The following ATF6 variants were observed in gnomAD, a reference collection of about 807,000 sequenced individuals.
The protein encoded by ATF6 is activating transcription factor 6, also known as cyclic AMP-dependent transcription factor ATF-6 alpha.
In ATF6, 53 loss-of-function variants were observed where a neutral mutation model predicts 83.6. The observed-to-expected ratio is 0.63, with a 90% CI of 0.51 to 0.80. ATF6 has a LOEUF of 0.80. Ranked by LOEUF, ATF6 falls within the 30% of genes least tolerant of loss-of-function variation. The pLI, the probability that ATF6 is intolerant of heterozygous loss-of-function variation, is 0.00. For synonymous variants in ATF6, 288 were observed against 285.8 expected (o/e 1.01, Z -0.08); for missense variants, 744 against 797.9 (o/e 0.93, Z 0.81).
intron 1 of ATF6, among the ~76,000 whole-genome samples, chr1:161,769,716 C>G (rs1046083884): frequency 6.6e-6 from 1 of 151,840 alleles, no homozygotes; most frequent in Non-Finnish European, 1.5e-5. Flanking sequence ...TGATGGGAGA[C>G]AGTGATTAGA....
At chr1:161,850,339 T>G (rs1488237465) in intron 10 of ATF6, among the ~76,000 whole-genome samples, 1 of 152,128 alleles carries the variant, frequency 6.6e-6, no homozygotes, top group African/African-American at 2.4e-5. Context: ...TAAAGTTCTT[T>G]GAGCCCACCT....
chr1:161,793,501 A>G (rs770187068), intron 6 of ATF6, among the ~76,000 whole-genome samples: 1 of 152,240 alleles, frequency 6.6e-6, no homozygotes, highest in Non-Finnish European at 1.5e-5. Context: ...GCAGGATTTA[A>G]TGTATGTTCA....
chr1:161,809,912 C>A (rs1232023382), intron 7 of ATF6, among the ~76,000 whole-genome samples: 1 of 152,006 alleles, frequency 6.6e-6, no homozygotes, highest in Admixed American at 6.6e-5. Flanking sequence ...AATTTGAGTT[C>A]TTTGTAGATT....
chr1:161,785,771 C>A (rs1684731922), intron 4 of ATF6, among the ~76,000 whole-genome samples: 1 of 152,080 alleles, frequency 6.6e-6, no homozygotes, highest in Non-Finnish European at 1.5e-5. Context: ...TGCCAAATTT[C>A]TCTCTATAGG....
intron 14 of ATF6, among the ~76,000 whole-genome samples, chr1:161,894,233 T>G (rs1043571807): frequency 1.3e-5 from 2 of 150,748 alleles, no homozygotes; most frequent in Non-Finnish European, 3.0e-5. Context: ...AGGTGTTTTT[T>G]TTTTTTTTTT....
chr1:161,903,624 A>G (rs1025635719), intron 14 of ATF6, among the ~76,000 whole-genome samples: 3 of 152,188 alleles, frequency 2.0e-5, no homozygotes, highest in Admixed American at 2.0e-4. Flanking sequence ...AAAATTATTG[A>G]ACACTTATAA....
intron 15 of ATF6, among the ~76,000 whole-genome samples, chr1:161,932,206 A>T (rs927418771): frequency 6.6e-6 from 1 of 151,822 alleles, no homozygotes; most frequent in Non-Finnish European, 1.5e-5. Context: ...AATGCAAGTT[A>T]TTTTTTTTGA....
chr1:161,893,724 C>T (rs1687609410), intron 14 of ATF6, among the ~76,000 whole-genome samples: 1 of 152,180 alleles, frequency 6.6e-6, no homozygotes, highest in African/African-American at 2.4e-5. Flanking sequence ...ATTTGACAGG[C>T]TTTAATTGCA....
intron 9 of ATF6, among the ~76,000 whole-genome samples, chr1:161,843,685 A>G (rs576642631): frequency 9.8e-5 from 15 of 152,288 alleles, no homozygotes; most frequent in African/African-American, 3.6e-4. Flanking sequence ...AGCATTTAAC[A>G]TTCTTGTGAT....
intron 9 of ATF6, among the ~76,000 whole-genome samples, chr1:161,838,706 TGAAA>T (rs1686281305): frequency 6.6e-6 from 1 of 152,216 alleles, no homozygotes; most frequent in Admixed American, 6.5e-5. Context: ...ATTGAATGAA[TGAAA>T]GAATCTCAGG....
chr1:161,776,153 A>C (rs1684510196), intron 1 of ATF6, among the ~76,000 whole-genome samples: 2 of 152,222 alleles, frequency 1.3e-5, no homozygotes, highest in Non-Finnish European at 1.5e-5. Context: ...CAAAAGATTC[A>C]TTCGTTCTGA....
At chr1:161,911,914 G>A (rs1237281113) in intron 14 of ATF6, among the ~76,000 whole-genome samples, 1 of 152,150 alleles carries the variant, frequency 6.6e-6, no homozygotes, top group Non-Finnish European at 1.5e-5. Context: ...TTACAGGACT[G>A]GAAACTGAAA....
chr1:161,779,701 A>G (rs1206791997), intron 2 of ATF6, among the ~76,000 whole-genome samples: 2 of 152,160 alleles, frequency 1.3e-5, no homozygotes, highest in Non-Finnish European at 2.9e-5. Context: ...ACTTAGATTA[A>G]GAAAGTTTAA....
At chr1:161,909,182 G>A (rs984900498) in intron 14 of ATF6, among the ~76,000 whole-genome samples, 1 of 152,088 alleles carries the variant, frequency 6.6e-6, no homozygotes, top group African/African-American at 2.4e-5. Context: ...CTTAATCATC[G>A]GGATCCCTGT....
rs546400678 is a variant in ATF6, at chr1:161,854,834, C to G, written c.1533+1511C>G. 9.2e-5 allele frequency among the ~76,000 whole-genome samples: 14 copies of G among 151,744 alleles called. No homozygotes were observed. In the East Asian group the frequency reaches 2.7e-3, roughly 29 times the overall value. ...TTGGAGTGAGCCGAGATCACGCAGTCCAGCCTGGGTGACAAAGCGAGACTC... is the reference window on the plus strand; with the variant it reads ...TTGGAGTGAGCCGAGATCACGCAGTGCAGCCTGGGTGACAAAGCGAGACTC... On this transcript the variant is annotated intron_variant, in intron 12 of 15. Transcript: ENST00000367942.
At chr1:161,928,609 A>G (rs1357466506) in intron 15 of ATF6, among the ~76,000 whole-genome samples, 1 of 136,742 alleles carries the variant, frequency 7.3e-6, no homozygotes, top group Non-Finnish European at 1.6e-5. Flanking sequence ...ACATTTAAAT[A>G]TACAAAAGCC....
intron 12 of ATF6, among the ~76,000 whole-genome samples, chr1:161,856,115 C>A (rs2101831382): frequency 6.6e-6 from 1 of 152,292 alleles, no homozygotes; most frequent in African/African-American, 2.4e-5. Flanking sequence ...TAATTGGAAG[C>A]AGTATGTGTT....
intron 15 of ATF6, among the ~76,000 whole-genome samples, chr1:161,935,260 G>A (rs1022879838): frequency 1.3e-5 from 2 of 152,094 alleles, no homozygotes; most frequent in South Asian, 2.1e-4. Flanking sequence ...TAAACTAAGC[G>A]TTTGTAGCCT....
chr1:161,958,456 C>A lies in ATF6; in HGVS notation c.1815C>A (p.Ile605=). ...TATTCCTGTCTGCAGAGAATGTGAT[C>A]AATGGGCAGGACTACGAAGTGATGA... ...LPAININENV[I]NGQDYEVMMQ... is the part of the protein sequence containing the mutation. Residue 605 remains isoleucine (I), a synonymous_variant, in exon 16 of 16, where the codon ATC becomes ATA. Coordinates refer to ENST00000367942, the MANE Select transcript of ATF6 (RefSeq NM_007348.4). The A allele has an allele frequency of 6.2e-7, 1 of 1,603,926 alleles. No individual in the cohort carries two copies.
Sources: gnomAD v4.1 joint callset for allele counts (sites outside exome capture counted in the v4.1 genomes callset) on GRCh38, gnomAD v4.1.1 for gene constraint, MANE v1.5 for transcripts, NCBI Gene and HGNC (gene_info 2026-07-23, HGNC 2026-07-21) for gene names.